Variants in SEMA5A observed in about 807,000 individuals in gnomAD.
The protein encoded by SEMA5A is semaphorin-5A.
In SEMA5A, 55 loss-of-function variants were observed where a neutral mutation model predicts 135.5. The ratio of observed to expected loss-of-function variants is 0.41; its 90% CI spans 0.33 to 0.51. SEMA5A has a LOEUF of 0.51. SEMA5A is among the 20% of genes least tolerant of loss of function. The pLI is 0.37. For synonymous variants in SEMA5A, 580 were observed against 546.5 expected, an observed-to-expected ratio of 1.06 and a Z score of -0.85; for missense variants, 1,290 against 1,419.9, an observed-to-expected ratio of 0.91 and a Z score of 1.47.
rs146258681 is a variant in SEMA5A at position 9,038,631 on chromosome 5, T to A, written c.*4266A>T. Reference sequence around the variant, plus strand: ...CGATTAGCTGAGTATAGACTTGATATATGTTTAAGGTAAAATTCCCTTTGA... The same window carrying A: ...CGATTAGCTGAGTATAGACTTGATAAATGTTTAAGGTAAAATTCCCTTTGA... On this transcript the variant is annotated 3_prime_UTR_variant, in exon 23 of 23. Transcript: ENST00000382496. 4.6e-5 allele frequency: 7 copies of A among 152,164 alleles called. No homozygotes were observed. The highest frequency in any genetic ancestry group is 1.7e-4 in the African/African-American group (7 of 41,420). The allele number at this position is 152,164 out of a possible 1,614,324, so 9.4% of individuals were successfully genotyped here. A position where few individuals can be genotyped will look rare whatever the true frequency, so the allele number is the denominator to read the frequency against.
At position 9,040,645 on chromosome 5, in the gene SEMA5A, T is replaced by C. The variant is rs1735909309; in HGVS notation, c.*2252A>G. ...TTTTGCAATGCTAATTTCAAAGGTTTGTTTATATTATTAACAACATGAAGA... is the reference window on the plus strand; with the variant it reads ...TTTTGCAATGCTAATTTCAAAGGTTCGTTTATATTATTAACAACATGAAGA... On this transcript the variant is annotated 3_prime_UTR_variant, in exon 23 of 23. Transcript: ENST00000382496. The C allele has an allele frequency of 6.6e-6, 1 of 152,220 alleles. No homozygotes were observed. The highest frequency in any genetic ancestry group is 1.5e-5 in the Non-Finnish European group (1 of 68,038). 9.4% of individuals were successfully genotyped at this position (152,220 alleles called of 1,614,324 possible). A position where few individuals can be genotyped will look rare whatever the true frequency, so the allele number is the denominator to read the frequency against.
chr5:9,300,952 T>C (rs1295101697), intron 5 of SEMA5A, among the ~76,000 whole-genome samples: 1 of 152,156 alleles, frequency 6.6e-6, no homozygotes, highest in East Asian at 1.9e-4. Flanking sequence ...GCTCCAGCAC[T>C]GTAAAAGGAT....
intron 3 of SEMA5A, among the ~76,000 whole-genome samples, chr5:9,369,588 TGA>T (rs1755052211): frequency 6.6e-6 from 1 of 152,214 alleles, no homozygotes; most frequent in Non-Finnish European, 1.5e-5. Context: ...TACCACTTGT[TGA>T]AGACTACTAT....
chr5:9,074,300 A>G (rs573215866), intron 16 of SEMA5A, among the ~76,000 whole-genome samples: 2 of 152,310 alleles, frequency 1.3e-5, no homozygotes, highest in South Asian at 4.1e-4. Context: ...TCCACATGTG[A>G]AAACATGAAT....
In SEMA5A at chr5:9,481,435, A is replaced by G. The variant is rs1055357615; in HGVS notation, c.-174-43583T>C. On this transcript the variant is annotated intron_variant, in intron 1 of 22. Coordinates refer to ENST00000382496, the MANE Select transcript of SEMA5A (RefSeq NM_003966.3). ...CTCTCTTGTGGTCAATAGGAGGTCAACTCAAAGCCCTACAGACTACAGTAG... is the reference window on the plus strand; with the variant it reads ...CTCTCTTGTGGTCAATAGGAGGTCAGCTCAAAGCCCTACAGACTACAGTAG... Among the ~76,000 whole-genome samples the G allele has an allele frequency of 2.0e-5, 3 of 152,140 alleles. No homozygotes were observed. In the East Asian group the frequency reaches 5.8e-4, roughly 29 times the overall value.
intron 3 of SEMA5A, among the ~76,000 whole-genome samples, chr5:9,338,731 G>T (rs1281551661): frequency 6.6e-6 from 1 of 152,110 alleles, no homozygotes; most frequent in Non-Finnish European, 1.5e-5. Context: ...AATCAATGAA[G>T]ATGTTGGTTT....
intron 2 of SEMA5A, among the ~76,000 whole-genome samples, chr5:9,398,954 T>C (rs978870038): frequency 6.6e-6 from 1 of 152,218 alleles, no homozygotes; most frequent in Admixed American, 6.5e-5. Context: ...TTTGCAAAAA[T>C]ATTGTACCAT....
At chr5:9,456,791 A>C (rs1249446314) in intron 1 of SEMA5A, among the ~76,000 whole-genome samples, 6 of 152,250 alleles carry the variant, frequency 3.9e-5, no homozygotes, top group African/African-American at 1.4e-4. Context: ...CTCAGCAGAC[A>C]TCATTTTAAA....
rs181863352 is a variant in SEMA5A, at chr5:9,158,652, G to T, written c.1274-3957C>A. 9.2e-5 allele frequency among the ~76,000 whole-genome samples: 14 copies of T among 152,170 alleles called. 1 individual carries two copies. Among genetic ancestry groups the T allele is most frequent in the African/African-American group, 2.6e-4 (11 of 41,522 alleles). ...TTCAGTGCAAACTCTCATAGTATTT[G>T]CCATTTGTGAAAATGTCCCCTACTC... On this transcript the variant is annotated intron_variant, in intron 11 of 22. Coordinates refer to ENST00000382496, the MANE Select transcript of SEMA5A (RefSeq NM_003966.3).
At chr5:9,049,105 G>T (rs551645298) in intron 21 of SEMA5A, among the ~76,000 whole-genome samples, 1 of 152,190 alleles carries the variant, frequency 6.6e-6, no homozygotes, top group Admixed American at 6.5e-5. Flanking sequence ...TGAACTAACA[G>T]ACTGCTGACT....
At chr5:9,167,654 T>C (rs2150299698) in intron 11 of SEMA5A, among the ~76,000 whole-genome samples, 1 of 152,186 alleles carries the variant, frequency 6.6e-6, no homozygotes, top group Middle Eastern at 3.4e-3. Flanking sequence ...CCGGGTGGAG[T>C]GGGAACCTTT....
At chr5:9,339,347 C>T (rs1753541502) in intron 3 of SEMA5A, among the ~76,000 whole-genome samples, 1 of 152,094 alleles carries the variant, frequency 6.6e-6, no homozygotes, top group Admixed American at 6.5e-5. Flanking sequence ...GGAAAGATGT[C>T]CTAGAGGGGC....
At chr5:9,046,477 G>A (rs867175454) in intron 21 of SEMA5A, among the ~76,000 whole-genome samples, 3 of 152,220 alleles carry the variant, frequency 2.0e-5, no homozygotes, top group South Asian at 2.1e-4. Flanking sequence ...GCGGACCCAC[G>A]GGGCTCTAAT....
At chr5:9,105,362 G>A (rs893701478) in intron 16 of SEMA5A, among the ~76,000 whole-genome samples, 7 of 152,226 alleles carry the variant, frequency 4.6e-5, no homozygotes, top group Non-Finnish European at 1.0e-4. Flanking sequence ...GTTGGCAGAA[G>A]CAGAGATTCT....
At chr5:9,201,693 T>C (rs186329374) in intron 9 of SEMA5A, among the ~76,000 whole-genome samples, 37 of 152,306 alleles carry the variant, frequency 2.4e-4, no homozygotes, top group African/African-American at 8.2e-4. Context: ...CAATTTATAA[T>C]AGAATAATTT....
chr5:9,230,637 A>C (rs577103339), intron 6 of SEMA5A, among the ~76,000 whole-genome samples: 1 of 152,164 alleles, frequency 6.6e-6, no homozygotes, highest in Non-Finnish European at 1.5e-5. Context: ...AAAAGGAGGA[A>C]GATGTCAGGG....
At position 9,318,350 on chromosome 5, in the gene SEMA5A, G is replaced by A; in HGVS notation, c.270+22C>T. The A allele has an allele frequency of 1.9e-6, 3 of 1,606,294 alleles. No homozygotes were observed. The South Asian group carries it at 3.3e-5, about 18-fold the overall frequency. ...TAATTGGGATGGAAAATGAAAGCTT[G>A]AGAAAAATAAATTGCACCTACCTGG... is the stretch of plus-strand genomic sequence containing the variant. On this transcript the variant is annotated intron_variant, in intron 5 of 22. Transcript: ENST00000382496.
chr5:9,069,554 C>T (rs1289739132), intron 16 of SEMA5A, among the ~76,000 whole-genome samples: 2 of 152,182 alleles, frequency 1.3e-5, no homozygotes, highest in Non-Finnish European at 2.9e-5. Flanking sequence ...GTTTTAAATA[C>T]TCTAACTAGC....
At chr5:9,405,606 T>C (rs926186650) in intron 2 of SEMA5A, among the ~76,000 whole-genome samples, 4 of 151,690 alleles carry the variant, frequency 2.6e-5, no homozygotes, top group Non-Finnish European at 5.9e-5. Context: ...TGTTTCTCTG[T>C]GGGTAAATAA....
Sources: allele counts gnomAD v4.1 joint callset (sites outside exome capture counted in the v4.1 genomes callset), GRCh38; gene constraint gnomAD v4.1.1; transcripts MANE v1.5; gene names NCBI Gene and HGNC (gene_info 2026-07-23, HGNC 2026-07-21).